Variants in PDE1C observed in about 807,000 individuals in gnomAD.
PDE1C encodes the protein phosphodiesterase 1C.
In PDE1C, 62 loss-of-function variants were observed where a neutral mutation model predicts 93.1. That is an observed-to-expected ratio of 0.67 (90% CI 0.54 to 0.82). The LOEUF (loss-of-function observed/expected upper bound fraction) is 0.82. Among genes scored for constraint, PDE1C ranks in the 40% least tolerant of loss-of-function variants. The probability of loss-of-function intolerance (pLI) is 0.00; values close to 1 mark genes in which losing one functional copy is unlikely to be tolerated. For missense variants in PDE1C, 742 were observed against 884.6 expected (o/e 0.84, Z 2.04); for synonymous variants, 325 against 310.1 (o/e 1.05, Z -0.50).
the PDE1C span, chr7:31,692,339 T>G: frequency 1.1e-6 from 1 of 945,480 alleles, no homozygotes; most frequent in Non-Finnish European, 1.6e-6. Context: ...ATATATTTAC[T>G]TAGCAAATGA....
intron 2 of PDE1C, among the ~76,000 whole-genome samples, chr7:32,177,821 T>A (rs552072641): frequency 6.6e-6 from 1 of 152,160 alleles, no homozygotes; most frequent in Non-Finnish European, 1.5e-5. Flanking sequence ...ATCTTTTCAA[T>A]GTCAGTCACC....
At chr7:32,324,985 C>A (rs571688804) in intron 1 of PDE1C, among the ~76,000 whole-genome samples, 61 of 152,276 alleles carry the variant, frequency 4.0e-4, no homozygotes, top group African/African-American at 1.3e-3. Context: ...TGTGAAACTC[C>A]AAGATAGGAG....
At chr7:31,648,325 TAAGAAA>T in the PDE1C span, among the ~76,000 whole-genome samples, 5 of 151,512 alleles carry the variant, frequency 3.3e-5, no homozygotes, top group African/African-American at 9.7e-5. Flanking sequence ...CTTTATATTG[TAAGAAA>T]AAGAAGAAGA....
At chr7:31,817,619 T>C (rs774259748) in intron 14 of PDE1C, among the ~76,000 whole-genome samples, 7 of 152,194 alleles carry the variant, frequency 4.6e-5, no homozygotes, top group Non-Finnish European at 1.0e-4. Context: ...AAAAGTATTA[T>C]TACATTTTTC....
At position 32,111,394 on chromosome 7, in the gene PDE1C, T is replaced by C. The variant is rs1238498706; in HGVS notation, c.308+58391A>G. On this transcript the variant is annotated intron_variant, in intron 3 of 18. Coordinates refer to the PDE1C transcript ENST00000396193. Reference sequence around the variant, plus strand: ...TCATAGCATTTTAAAGACACAAAATTGTGTAAGGTACAAAGGATTGGTTAT... The same window carrying C: ...TCATAGCATTTTAAAGACACAAAATCGTGTAAGGTACAAAGGATTGGTTAT... Among the ~76,000 whole-genome samples the C allele has an allele frequency of 4.6e-5, 7 of 152,102 alleles. No homozygotes were observed. The East Asian group carries it at 1.3e-3, about 29-fold the overall frequency.
intron 15 of PDE1C, among the ~76,000 whole-genome samples, chr7:31,812,343 T>C (rs1189380383): frequency 1.3e-5 from 2 of 152,152 alleles, no homozygotes; most frequent in Non-Finnish European, 2.9e-5. Flanking sequence ...TATTTCCACA[T>C]CTGCCCTCTC....
chr7:31,955,033 G>T (rs942250562), intron 2 of PDE1C, among the ~76,000 whole-genome samples: 6 of 152,060 alleles, frequency 3.9e-5, no homozygotes, highest in Admixed American at 3.9e-4. Flanking sequence ...ATAACTTTTC[G>T]CTCAGTCCCA....
At chr7:32,176,692 C>G (rs1422680583) in intron 2 of PDE1C, among the ~76,000 whole-genome samples, 1 of 132,268 alleles carries the variant, frequency 7.6e-6, no homozygotes, top group Non-Finnish European at 1.6e-5. Flanking sequence ...TAAATATGCA[C>G]ACACACGTAC....
At chr7:32,348,194 A>T (rs927989847) in intron 1 of PDE1C, among the ~76,000 whole-genome samples, 2 of 151,984 alleles carry the variant, frequency 1.3e-5, no homozygotes, top group African/African-American at 4.8e-5. Context: ...TTGTCCCATA[A>T]ACATTTGAAT....
chr7:31,681,378 T>C, the PDE1C span, among the ~76,000 whole-genome samples: 81 of 135,290 alleles, frequency 6.0e-4, no homozygotes, highest in African/African-American at 2.2e-3. Context: ...GACGGATGGA[T>C]GGATGGATGG....
intron 1 of PDE1C, among the ~76,000 whole-genome samples, chr7:32,390,150 ATAT>A (rs1279460358): frequency 6.6e-6 from 1 of 152,172 alleles, no homozygotes; most frequent in Non-Finnish European, 1.5e-5. Flanking sequence ...TTATAATATC[ATAT>A]TGTTGGGATT....
At chr7:32,061,581 T>C (rs538995784) in intron 1 of PDE1C, among the ~76,000 whole-genome samples, 54 of 152,326 alleles carry the variant, frequency 3.5e-4, no homozygotes, top group African/African-American at 1.3e-3. Flanking sequence ...AGGCTTCAGG[T>C]CTCAGCCCCA....
At chr7:32,109,390 AC>A (rs1798522331) in intron 3 of PDE1C, among the ~76,000 whole-genome samples, 3 of 152,136 alleles carry the variant, frequency 2.0e-5, no homozygotes, top group Non-Finnish European at 2.9e-5. Flanking sequence ...TTTGATTCCA[AC>A]TTTGTTTTTT....
intron 2 of PDE1C, among the ~76,000 whole-genome samples, chr7:32,043,278 T>C (rs2128665911): frequency 6.6e-6 from 1 of 152,274 alleles, no homozygotes; most frequent in African/African-American, 2.4e-5. Context: ...GAAGTTGAAC[T>C]TGGCCCCAGC....
At chr7:32,129,129 T>C (rs1467902412) in intron 3 of PDE1C, among the ~76,000 whole-genome samples, 2 of 151,156 alleles carry the variant, frequency 1.3e-5, no homozygotes, top group Non-Finnish European at 3.0e-5. Flanking sequence ...CAACCTCTTA[T>C]ACCTTGAAAA....
At chr7:32,331,708 A>C (rs544390978) in intron 1 of PDE1C, among the ~76,000 whole-genome samples, 30 of 152,342 alleles carry the variant, frequency 2.0e-4, no homozygotes, top group Non-Finnish European at 3.8e-4. Flanking sequence ...CATAGAATCA[A>C]CAGGACTTAG....
intron 6 of PDE1C, among the ~76,000 whole-genome samples, chr7:31,872,147 C>T (rs1796022361): frequency 6.6e-6 from 1 of 152,132 alleles, no homozygotes; most frequent in African/African-American, 2.4e-5. Context: ...AGCACATGTT[C>T]TCACTCACAT....
chr7:32,318,763 C>G (rs1276785010), intron 1 of PDE1C, among the ~76,000 whole-genome samples: 1 of 152,106 alleles, frequency 6.6e-6, no homozygotes, highest in African/African-American at 2.4e-5. Flanking sequence ...TACATTTGCC[C>G]GCGTATCTAC....
intron 1 of PDE1C, among the ~76,000 whole-genome samples, chr7:32,219,778 T>G (rs1261190173): frequency 6.6e-6 from 1 of 152,194 alleles, no homozygotes; most frequent in Non-Finnish European, 1.5e-5. Flanking sequence ...GCAGTTAACA[T>G]GAATCAAAAG....
Sources: allele counts gnomAD v4.1 joint callset (sites outside exome capture counted in the v4.1 genomes callset), GRCh38; gene constraint gnomAD v4.1.1; transcripts MANE v1.5; gene names NCBI Gene and HGNC (gene_info 2026-07-23, HGNC 2026-07-21).